IL33: variants seen among roughly 807,000 people sequenced by gnomAD.
The protein encoded by IL33 is interleukin-33.
IL33 carries 37 observed loss-of-function variants against 27.3 expected under a neutral mutation model. The ratio of observed to expected loss-of-function variants is 1.36; its 90% CI spans 1.04 to 1.78. IL33 has a LOEUF of 1.78. IL33 is among the 40% of genes most tolerant of loss of function. The probability of loss-of-function intolerance (pLI) is 0.00; values close to 1 mark genes in which losing one functional copy is unlikely to be tolerated. For missense variants in IL33, 406 were observed against 311.4 expected (o/e 1.30, Z -2.29); for synonymous variants, 132 against 102.9 (o/e 1.28, Z -1.71).
intron 1 of IL33, among the ~76,000 whole-genome samples, chr9:6,240,258 A>C (rs968917467): frequency 2.0e-5 from 3 of 152,160 alleles, no homozygotes; most frequent in Non-Finnish European, 2.9e-5. Flanking sequence ...CATTTTAGGG[A>C]GACATGAGAC....
rs758580579 is a variant in IL33, at chr9:6,218,625, CTA to C, written c.-12+2783_-12+2784del. On this transcript the variant is annotated intron_variant, in intron 1 of 7. Coordinates refer to ENST00000682010, the MANE Select transcript of IL33 (RefSeq NM_033439.4). ...ATATATATACACATATATATTCTCCCTATATATATATTTTTTCTCCCTATACA... is the reference window on the plus strand; with the variant it reads ...ATATATATACACATATATATTCTCCCTATATATATTTTTTCTCCCTATACA... Among the ~76,000 whole-genome samples the C allele has an allele frequency of 3.4e-5, 5 of 145,228 alleles. No homozygotes were observed. The South Asian group carries it at 1.1e-3, about 32-fold the overall frequency.
At chr9:6,244,146 T>C (rs758354629) in intron 2 of IL33, among the ~76,000 whole-genome samples, 2 of 152,152 alleles carry the variant, frequency 1.3e-5, no homozygotes, top group African/African-American at 4.8e-5. Context: ...GTTGGTGGTA[T>C]TGATACAAAA....
intron 1 of IL33, among the ~76,000 whole-genome samples, chr9:6,237,421 G>T (rs951226113): frequency 2.0e-5 from 3 of 152,178 alleles, no homozygotes; most frequent in African/African-American, 7.2e-5. Context: ...AAAGGGTGTT[G>T]ACTTTCTCTG....
chr9:6,247,362 A>G (rs572811182), intron 2 of IL33, among the ~76,000 whole-genome samples: 2 of 152,296 alleles, frequency 1.3e-5, no homozygotes, highest in South Asian at 4.2e-4. Context: ...TGCCACAGAC[A>G]GGTCAAGGGT....
At chr9:6,243,644 C>T (rs776007500) in intron 2 of IL33, among the ~76,000 whole-genome samples, 2 of 152,264 alleles carry the variant, frequency 1.3e-5, no homozygotes, top group South Asian at 2.1e-4. Flanking sequence ...CATGAACCAC[C>T]GCACTTGGCC....
At chr9:6,237,290 A>C (rs146470839) in intron 1 of IL33, among the ~76,000 whole-genome samples, 1 of 152,374 alleles carries the variant, frequency 6.6e-6, no homozygotes, top group East Asian at 1.9e-4. Context: ...TTAGTATGAA[A>C]AAAATGGTGA....
Position 6,256,006 on chromosome 9 carries a change from C to T in IL33, c.651C>T (p.Phe217=), listed in dbSNP as rs374367939. The part of the protein sequence containing the change: ...KCEKPLPDQA[F]FVLHNMHSNC... ...AAAAACCACTGCCAGACCAGGCCTTCTTTGTCCTTCATAATATGCACTCCA... is the reference window on the plus strand; with the variant it reads ...AAAAACCACTGCCAGACCAGGCCTTTTTTGTCCTTCATAATATGCACTCCA... The change falls in exon 8 of 8, where the codon TTC becomes TTT. Residue 217 remains phenylalanine, a synonymous_variant. Transcript: ENST00000682010. 3.8e-5 allele frequency: 61 copies of T among 1,613,630 alleles called. No individual in the cohort carries two copies. Among genetic ancestry groups the T allele is most frequent in the Admixed American group, 5.0e-5 (3 of 59,972 alleles).
In IL33 at chr9:6,253,588, C is replaced by T. The variant is rs754788962; in HGVS notation, c.506C>T (p.Pro169Leu). The change falls in exon 6 of 8, where the codon CCC (proline) becomes CTC (leucine). Residue 169 changes from proline (P) to leucine (L), a missense_variant. By Grantham distance (98) the Pro-to-Leu change is moderately conservative. Transcript: ENST00000682010. Reference protein sequence around the residue: ...VLLSYYESQHPSNESGDGVDG... With the variant: ...VLLSYYESQHLSNESGDGVDG... ...CTGAGTTACTATGAGTCTCAACACC[C>T]CTCAAATGAATCAGGTAATTTGGAG... 5.6e-6 allele frequency: 9 copies of T among 1,607,654 alleles called. No homozygotes were observed. In the South Asian group the frequency reaches 8.9e-5, roughly 16 times the overall value.
At chr9:6,236,187 C>A (rs1212481042) in intron 1 of IL33, among the ~76,000 whole-genome samples, 1 of 151,914 alleles carries the variant, frequency 6.6e-6, no homozygotes, top group African/African-American at 2.4e-5. Context: ...TATAATGTTA[C>A]TTGTAAAAGA....
At chr9:6,232,718 T>A (rs2130211912) in intron 1 of IL33, among the ~76,000 whole-genome samples, 1 of 152,276 alleles carries the variant, frequency 6.6e-6, no homozygotes, top group Non-Finnish European at 1.5e-5. Context: ...TCCTTTCTGG[T>A]CACTAGGGAC....
intron 5 of IL33, 113 bp downstream of exon 5, chr9:6,253,104 C>A: frequency 1.4e-6 from 1 of 740,324 alleles, no homozygotes. Flanking sequence ...GCAAACAGGT[C>A]ATGCTGTGTG....
intron 4 of IL33, among the ~76,000 whole-genome samples, chr9:6,251,594 G>A (rs757983528): frequency 6.6e-6 from 1 of 151,994 alleles, no homozygotes; most frequent in Non-Finnish European, 1.5e-5. Flanking sequence ...TCAATATTTT[G>A]ACCATGAAAG....
At position 6,230,731 on chromosome 9, in the gene IL33, C is replaced by T. The variant is rs189217453; in HGVS notation, c.-11-10953C>T. Among the ~76,000 whole-genome samples, 45 of 152,290 alleles carry T rather than the reference C, an allele frequency of 3.0e-4. 1 individual carries two copies. The East Asian group carries it at 7.5e-3, about 25-fold the overall frequency. On this transcript the variant is annotated intron_variant, in intron 1 of 7. Transcript: ENST00000682010. ...AGTACCCAGCAATATGTTCATTCAT[C>T]CCACTATATCCTCATAGATCCTCTT...
chr9:6,246,476 T>C (rs1317157961), intron 2 of IL33, among the ~76,000 whole-genome samples: 1 of 151,642 alleles, frequency 6.6e-6, no homozygotes, highest in African/African-American at 2.4e-5. Flanking sequence ...GCAGGAGAAT[T>C]GCTGGAACCC....
At chr9:6,217,608 TG>T (rs1818200632) in intron 1 of IL33, among the ~76,000 whole-genome samples, 1 of 152,202 alleles carries the variant, frequency 6.6e-6, no homozygotes, top group Admixed American at 6.5e-5. Flanking sequence ...TAAACTTTTG[TG>T]GAAAAACAAG....
At chr9:6,249,614 T>C (rs978329602) in intron 2 of IL33, among the ~76,000 whole-genome samples, 2 of 152,246 alleles carry the variant, frequency 1.3e-5, no homozygotes, top group Admixed American at 1.3e-4. Flanking sequence ...ATTTGCATTT[T>C]GTTAGTCCCT....
chr9:6,221,144 G>A (rs967854348), intron 1 of IL33, among the ~76,000 whole-genome samples: 2 of 152,272 alleles, frequency 1.3e-5, no homozygotes, highest in African/African-American at 2.4e-5. Flanking sequence ...TCATTCTGAT[G>A]TAATTTGGTG....
chr9:6,216,740 T>C (rs1818162793), intron 1 of IL33, among the ~76,000 whole-genome samples: 1 of 152,076 alleles, frequency 6.6e-6, no homozygotes, highest in Admixed American at 6.6e-5. Context: ...AAGAGCTAAA[T>C]GTCATCTCCA....
chr9:6,244,455 A>G (rs1819707893), intron 2 of IL33, among the ~76,000 whole-genome samples: 1 of 152,186 alleles, frequency 6.6e-6, no homozygotes. Context: ...ACCCATGATA[A>G]TGTTTAATTT....
Sources: gnomAD v4.1 joint callset for allele counts (sites outside exome capture counted in the v4.1 genomes callset) on GRCh38, gnomAD v4.1.1 for gene constraint, MANE v1.5 for transcripts, NCBI Gene and HGNC (gene_info 2026-07-23, HGNC 2026-07-21) for gene names.